The following ALKBH8 variants were observed in gnomAD, a reference collection of about 807,000 sequenced individuals.
ALKBH8 encodes alkB homolog 8, tRNA methyltransferase, also known as tRNA (carboxymethyluridine(34)-5-O)-methyltransferase ALKBH8.
ALKBH8 carries 36 observed loss-of-function variants against 59.8 expected under a neutral mutation model. The observed-to-expected ratio is 0.60, with a 90% confidence interval of 0.46 to 0.79. The LOEUF (loss-of-function observed/expected upper bound fraction) is 0.79. Among genes scored for constraint, ALKBH8 ranks in the 30% least tolerant of loss-of-function variants. The pLI is 0.00. For missense variants in ALKBH8, 768 were observed against 801.0 expected (o/e 0.96, Z 0.50); for synonymous variants, 276 against 273.6 (o/e 1.01, Z -0.09).
intron 9 of ALKBH8, among the ~76,000 whole-genome samples, chr11:107,524,028 A>G (rs576100122): frequency 1.3e-5 from 2 of 152,212 alleles, no homozygotes; most frequent in African/African-American, 4.8e-5. Context: ...GTTGTACATG[A>G]TAAACATTTA....
chr11:107,565,690 T>C lies in ALKBH8; in HGVS notation c.-96A>G, dbSNP rs533567283. 408 of 1,534,620 alleles carry C rather than the reference T, an allele frequency of 2.7e-4. 5 individuals are homozygous for C. In the South Asian group the frequency reaches 3.7e-3, roughly 14 times the overall value. The stretch of plus-strand genomic sequence containing the variant: ...TCTAGCACCAGAACACCGCAGCGGA[T>C]ACTTGCACGCCATCTCCCCTGGGCG... On this transcript the variant is annotated 5_prime_UTR_variant, in exon 1 of 12. Transcript: ENST00000428149.
chr11:107,517,275 T>G (rs1862902742), intron 10 of ALKBH8, among the ~76,000 whole-genome samples: 1 of 152,014 alleles, frequency 6.6e-6, no homozygotes, highest in African/African-American at 2.4e-5. Context: ...CAAACGGCGT[T>G]GAGGATGTGG....
At position 107,511,003 on chromosome 11, in the gene ALKBH8, T is replaced by C; in HGVS notation, c.1321A>G (p.Ile441Val). Residue 441 changes from isoleucine (I) to valine (V), a missense_variant, in exon 11 of 12, where the codon ATT becomes GTT. Transcript: ENST00000428149. ...GCCTGAAATTGCCTCTCTCTACAAA[T>C]GTCCACAAGGTTTTGGCTACGATCA... ...GCDRSQNLVDICRERQFQAFV... is the reference protein window; with the variant it reads ...GCDRSQNLVDVCRERQFQAFV... 1.3e-6 allele frequency: 2 copies of C among 1,551,934 alleles called. No homozygotes were observed. The highest frequency in any genetic ancestry group is 1.7e-6 in the Non-Finnish European group (2 of 1,146,978).
At chr11:107,525,754 G>A (rs1450784073) in intron 8 of ALKBH8, among the ~76,000 whole-genome samples, 162 bp from the exon 9 acceptor site, 1 of 151,526 alleles carries the variant, frequency 6.6e-6, no homozygotes, top group African/African-American at 2.4e-5. Context: ...AAGAAATAAA[G>A]GTATTTAAGG....
intron 2 of ALKBH8, among the ~76,000 whole-genome samples, chr11:107,557,328 G>A (rs1333448676): frequency 1.3e-5 from 2 of 152,110 alleles, no homozygotes; most frequent in African/African-American, 4.8e-5. Flanking sequence ...GAAAGAGGTG[G>A]AGAGGAGAAA....
intron 8 of ALKBH8, among the ~76,000 whole-genome samples, chr11:107,528,377 T>A (rs748231681): frequency 2.0e-5 from 3 of 152,266 alleles, no homozygotes; most frequent in Admixed American, 1.3e-4. Flanking sequence ...CTTTAAGTTT[T>A]AGGGTACATG....
At chr11:107,515,110 C>T (rs1234771667) in intron 10 of ALKBH8, among the ~76,000 whole-genome samples, 2 of 152,096 alleles carry the variant, frequency 1.3e-5, no homozygotes, top group Non-Finnish European at 2.9e-5. Context: ...ACTTTTTTTG[C>T]CTGTCTTCCA....
intron 7 of ALKBH8, among the ~76,000 whole-genome samples, chr11:107,540,549 T>C (rs139684818): frequency 6.6e-6 from 1 of 152,358 alleles, no homozygotes; most frequent in East Asian, 1.9e-4. Flanking sequence ...TTGGAGACAC[T>C]TTAGCCACCA....
chr11:107,528,705 T>G (rs763816356), intron 8 of ALKBH8, among the ~76,000 whole-genome samples: 1 of 152,200 alleles, frequency 6.6e-6, no homozygotes, highest in Non-Finnish European at 1.5e-5. Context: ...CAATCTCAAA[T>G]GTTTAAGAAC....
chr11:107,521,299 G>A (rs1402212757), intron 10 of ALKBH8, among the ~76,000 whole-genome samples: 3 of 152,150 alleles, frequency 2.0e-5, no homozygotes, highest in Non-Finnish European at 4.4e-5. Flanking sequence ...TCTCTTAGAA[G>A]AATGGTATAT....
chr11:107,555,644 T>C (rs945156842), intron 3 of ALKBH8, among the ~76,000 whole-genome samples: 2 of 152,108 alleles, frequency 1.3e-5, no homozygotes, highest in African/African-American at 2.4e-5. Flanking sequence ...TCTGTAAAAG[T>C]TTTCCTTCGA....
intron 3 of ALKBH8, among the ~76,000 whole-genome samples, chr11:107,556,415 G>A (rs1864713391): frequency 6.6e-6 from 1 of 152,226 alleles, no homozygotes; most frequent in South Asian, 2.1e-4. Context: ...TTAATTCAAA[G>A]CTCCTGGGTA....
rs184833731 is a variant in ALKBH8, at chr11:107,513,288, T to C, written c.1288-2252A>G. 3.3e-5 allele frequency among the ~76,000 whole-genome samples: 5 copies of C among 152,202 alleles called. No individual in the cohort carries two copies. The East Asian group carries it at 7.7e-4, about 24-fold the overall frequency. On this transcript the variant is annotated intron_variant, in intron 10 of 11. Coordinates refer to ENST00000428149, the MANE Select transcript of ALKBH8 (RefSeq NM_138775.3). ...AAGACATACACGTGGCCAACAAGCA[T>C]ATGAAAAAAGCTCAACATCAGTAAT... is the stretch of plus-strand genomic sequence containing the variant.
At chr11:107,556,388 G>A (rs937463675) in intron 3 of ALKBH8, among the ~76,000 whole-genome samples, 7 of 152,150 alleles carry the variant, frequency 4.6e-5, no homozygotes, top group Admixed American at 6.5e-5. Flanking sequence ...TTTGGATCAC[G>A]ATTCATTCTT....
intron 11 of ALKBH8, among the ~76,000 whole-genome samples, chr11:107,510,239 T>C (rs1862566039): frequency 6.6e-5 from 10 of 152,152 alleles, no homozygotes. Flanking sequence ...ATAAAGCTAT[T>C]GCATAAATCA....
At chr11:107,542,381 G>A (rs1864077069) in intron 7 of ALKBH8, among the ~76,000 whole-genome samples, 1 of 152,146 alleles carries the variant, frequency 6.6e-6, no homozygotes, top group Admixed American at 6.5e-5. Flanking sequence ...CCACAAAAAA[G>A]TAGATGAAAT....
chr11:107,548,985 G>A (rs559170700), intron 7 of ALKBH8, among the ~76,000 whole-genome samples: 99 of 152,084 alleles, frequency 6.5e-4, no homozygotes, highest in African/African-American at 2.3e-3. Flanking sequence ...CGAGTAGCTG[G>A]GACTACAGGC....
intron 10 of ALKBH8, among the ~76,000 whole-genome samples, chr11:107,519,972 T>C (rs1863038470): frequency 1.3e-5 from 2 of 152,216 alleles, no homozygotes; most frequent in Non-Finnish European, 2.9e-5. Context: ...TGAAGTGCTA[T>C]GCAAATGTTA....
chr11:107,508,502 A>G (rs1862489319), intron 11 of ALKBH8, among the ~76,000 whole-genome samples: 1 of 152,176 alleles, frequency 6.6e-6, no homozygotes, highest in African/African-American at 2.4e-5. Flanking sequence ...GTGGTAAAAT[A>G]TATGTAACAA....
Sources: allele counts gnomAD v4.1 joint callset (sites outside exome capture counted in the v4.1 genomes callset), GRCh38; gene constraint gnomAD v4.1.1; transcripts MANE v1.5; gene names NCBI Gene and HGNC (gene_info 2026-07-23, HGNC 2026-07-21).